The following IGF1R variants were observed in gnomAD, a reference collection of about 807,000 sequenced individuals.
The protein encoded by IGF1R is insulin like growth factor 1 receptor.
IGF1R carries 44 observed loss-of-function variants against 144.6 expected under a neutral mutation model. That is an observed-to-expected ratio of 0.30 (90% CI 0.24 to 0.39). The LOEUF is 0.39. IGF1R is among the 10% of genes least tolerant of loss of function. The pLI is 1.00. For synonymous variants in IGF1R, 795 were observed against 722.8 expected (o/e 1.10, Z -1.60); for missense variants, 1,355 against 1,833.7 (o/e 0.74, Z 4.77).
intron 15 of IGF1R, among the ~76,000 whole-genome samples, chr15:98,931,137 A>G (rs1339251424): frequency 6.6e-6 from 1 of 152,214 alleles, no homozygotes; most frequent in Non-Finnish European, 1.5e-5. Flanking sequence ...ATGGTTAGAC[A>G]GTTGAGAAGT....
At chr15:98,945,104 G>T (rs776454575) in intron 19 of IGF1R, among the ~76,000 whole-genome samples, 3 of 152,226 alleles carry the variant, frequency 2.0e-5, no homozygotes, top group Non-Finnish European at 2.9e-5. Flanking sequence ...AATGACAAGG[G>T]TGCCCTCTAG....
intron 2 of IGF1R, among the ~76,000 whole-genome samples, chr15:98,865,302 GACCCCAA>G (rs1178740112): frequency 6.6e-6 from 1 of 152,222 alleles, no homozygotes; most frequent in African/African-American, 2.4e-5. Flanking sequence ...ATTACTTACA[GACCCCAA>G]AGGATATCCC....
chr15:98,758,539 T>G (rs1481391638), intron 2 of IGF1R, among the ~76,000 whole-genome samples: 1 of 152,222 alleles, frequency 6.6e-6, no homozygotes, highest in African/African-American at 2.4e-5. Context: ...CCCAGTCTCT[T>G]CCGACAACAT....
At position 98,935,453 on chromosome 15, in the gene IGF1R, C is replaced by T; in HGVS notation, c.3297+27C>T. The stretch of plus-strand genomic sequence containing the variant: ...TCAGTTTTCATTTCCACCGGTATTG[C>T]ATGTTGCCTGGCCTGCTCTCTTTTC... On this transcript the variant is annotated intron_variant, in intron 17 of 20. Transcript: ENST00000650285. The surrounding 1 kb of genome is among the most constrained non-coding windows in gnomAD (Gnocchi z 4.2). The T allele has an allele frequency of 7.9e-7, 1 of 1,269,330 alleles. No homozygotes were observed. Among genetic ancestry groups the T allele is most frequent in the Non-Finnish European group, 1.1e-6 (1 of 888,856 alleles). 78.6% of individuals were successfully genotyped at this position (1,269,330 alleles called of 1,614,324 possible).
At chr15:98,945,559 G>A (rs915796461) in intron 19 of IGF1R, among the ~76,000 whole-genome samples, 2 of 152,100 alleles carry the variant, frequency 1.3e-5, no homozygotes, top group African/African-American at 2.4e-5. Flanking sequence ...AAGTCATGAA[G>A]AGCCAACACC....
At chr15:98,835,039 C>G (rs1489097546) in intron 2 of IGF1R, among the ~76,000 whole-genome samples, 1 of 151,062 alleles carries the variant, frequency 6.6e-6, no homozygotes, top group Admixed American at 6.6e-5. Context: ...TCAGTAGTAA[C>G]TTAGGCTTTT....
At position 98,891,628 on chromosome 15, in the gene IGF1R, G is replaced by A. The variant is rs752567548; in HGVS notation, c.944G>A (p.Gly315Asp). Residue 315 changes from glycine to aspartate, a missense_variant, in exon 3 of 21, where the codon GGC becomes GAC. Physicochemically the swap from Gly to Asp is moderately conservative, Grantham distance 94. Coordinates refer to ENST00000650285, the MANE Select transcript of IGF1R (RefSeq NM_000875.5). The surrounding 1 kb of genome is among the most constrained non-coding windows in gnomAD (Gnocchi z 4.7). Reference protein sequence around the residue: ...QECPSGFIRNGSQSMYCIPCE... With the variant: ...QECPSGFIRNDSQSMYCIPCE... The stretch of plus-strand genomic sequence containing the variant: ...TGCCCCTCGGGCTTCATCCGCAACG[G>A]CAGCCAGAGGTCAGTCGCGGCCACA... The A allele has an allele frequency of 1.9e-6, 3 of 1,600,846 alleles. No individual in the cohort carries two copies. The highest frequency in any genetic ancestry group is 2.5e-6 in the Non-Finnish European group (3 of 1,179,922).
rs898536631 is a variant in IGF1R, at chr15:98,845,374, TCCTCCTCCTCCCCTC to T, written c.641-45940_641-45926del. On this transcript the variant is annotated intron_variant, in intron 2 of 20. Transcript: ENST00000650285. The stretch of plus-strand genomic sequence containing the variant: ...ACTTCCCTTCTCATATTCTTCTCTC[TCCTCCTCCTCCCCTC>T]CCTCCTCCTCGCCTCCCTCCTCCTC... Among the ~76,000 whole-genome samples, 3 of 148,440 alleles carry T rather than the reference TCCTCCTCCTCCCCTC, an allele frequency of 2.0e-5. 1 individual carries two copies. The highest frequency in any genetic ancestry group is 5.0e-5 in the African/African-American group (2 of 40,108).
At chr15:98,860,594 TGAG>T (rs1269387422) in intron 2 of IGF1R, among the ~76,000 whole-genome samples, 1 of 152,232 alleles carries the variant, frequency 6.6e-6, no homozygotes, top group Non-Finnish European at 1.5e-5. Context: ...CTGGCCAACT[TGAG>T]GACATCAGCG....
At chr15:98,750,428 T>C (rs757394442) in intron 2 of IGF1R, among the ~76,000 whole-genome samples, 112 of 152,332 alleles carry the variant, frequency 7.4e-4, no homozygotes, top group Non-Finnish European at 1.3e-3. Context: ...TCTGAGATGT[T>C]TAGGGATTTG....
intron 13 of IGF1R, among the ~76,000 whole-genome samples, chr15:98,926,298 C>T (rs1426019962): frequency 6.6e-6 from 1 of 152,014 alleles, no homozygotes; most frequent in Non-Finnish European, 1.5e-5. Flanking sequence ...ATGGAGGTTA[C>T]CAGGGGCTGA....
intron 5 of IGF1R, among the ~76,000 whole-genome samples, chr15:98,901,591 A>T (rs1430778303): frequency 6.6e-6 from 1 of 152,196 alleles, no homozygotes; most frequent in Non-Finnish European, 1.5e-5. Context: ...CTTCTGCAAG[A>T]AGGGAAGAGT....
chr15:98,724,679 C>A (rs987761069), intron 2 of IGF1R, among the ~76,000 whole-genome samples: 4 of 152,140 alleles, frequency 2.6e-5, no homozygotes, highest in Non-Finnish European at 5.9e-5. Flanking sequence ...GAGCACTTTG[C>A]CCTTATGGAA....
intron 1 of IGF1R, among the ~76,000 whole-genome samples, chr15:98,661,387 C>T (rs2052594595): frequency 6.6e-6 from 1 of 152,354 alleles, no homozygotes; most frequent in Non-Finnish European, 1.5e-5. Context: ...GACTCCTGAA[C>T]TTAATGAACA....
rs567987286 is a variant in IGF1R, at chr15:98,836,600, A to G, written c.641-54725A>G. On this transcript the variant is annotated intron_variant, in intron 2 of 20. Coordinates refer to ENST00000650285, the MANE Select transcript of IGF1R (RefSeq NM_000875.5). ...AGCATTTTACATAATCTATACACCA[A>G]TTCTCACAGCCAAGAAATTAACAAT... 2.8e-3 allele frequency among the ~76,000 whole-genome samples: 429 copies of G among 152,182 alleles called. 4 individuals are homozygous for G. The highest frequency in any genetic ancestry group is 5.0e-3 in the Non-Finnish European group (342 of 68,022).
In IGF1R at chr15:98,958,357, C is replaced by T. The variant is rs935148227; in HGVS notation, c.*915C>T. 8 of 217,174 alleles carry T rather than the reference C, an allele frequency of 3.7e-5. No individual in the cohort carries two copies. Among genetic ancestry groups the T allele is most frequent in the East Asian group, 1.3e-4 (2 of 14,938 alleles). The allele number at this position is 217,174 out of a possible 1,614,324, so 13.5% of individuals were successfully genotyped here. On this transcript the variant is annotated 3_prime_UTR_variant, in exon 21 of 21. Coordinates refer to ENST00000650285, the MANE Select transcript of IGF1R (RefSeq NM_000875.5). ...GGCCATGGGCCCCGAAGCAGCCTGG[C>T]GGACAGGCTTGGAGTCAAGGGGCCC...
At chr15:98,732,365 AG>A (rs570527328) in intron 2 of IGF1R, among the ~76,000 whole-genome samples, 29 of 152,282 alleles carry the variant, frequency 1.9e-4, no homozygotes, top group Admixed American at 9.8e-4. Flanking sequence ...AATGAAGGTG[AG>A]AATGCTGGCG....
chr15:98,947,994 G>C (rs1397560218), intron 19 of IGF1R, among the ~76,000 whole-genome samples: 1 of 152,150 alleles, frequency 6.6e-6, no homozygotes. Flanking sequence ...AGTTTCTATT[G>C]GGTGCCCAGC....
In IGF1R at chr15:98,657,261, A is replaced by G. The variant is rs2052508236; in HGVS notation, c.94+7586A>G. On this transcript the variant is annotated intron_variant, in intron 1 of 20. Transcript: ENST00000650285. ...TTGTAGGAGTTTTCCCCAAATTCAA[A>G]GCGTCTTAGTGACCTTTGATAACTT... 2.6e-5 allele frequency among the ~76,000 whole-genome samples: 4 copies of G among 152,372 alleles called. No homozygotes were observed. The South Asian group carries it at 8.3e-4, about 32-fold the overall frequency.
Sources: allele counts gnomAD v4.1 joint callset (sites outside exome capture counted in the v4.1 genomes callset), GRCh38; gene constraint gnomAD v4.1.1; non-coding constraint Gnocchi (gnomAD v3.1); transcripts MANE v1.5; gene names NCBI Gene and HGNC (gene_info 2026-07-23, HGNC 2026-07-21).